Variants in OSGEPL1 observed in about 807,000 individuals in gnomAD.
The protein encoded by OSGEPL1 is O-sialoglycoprotein endopeptidase like 1, also known as tRNA N6-adenosine threonylcarbamoyltransferase, mitochondrial.
Under a neutral mutation model 37.2 loss-of-function variants are expected in OSGEPL1, and 26 were observed. The observed-to-expected ratio is 0.70, with a 90% confidence interval of 0.51 to 0.97. The LOEUF (loss-of-function observed/expected upper bound fraction) is 0.97. OSGEPL1 is among the 50% of genes least tolerant of loss of function. The pLI is 0.00. For missense variants in OSGEPL1, 404 were observed against 487.0 expected, an observed-to-expected ratio of 0.83 and a Z score of 1.60; for synonymous variants, 140 against 159.9, an observed-to-expected ratio of 0.88 and a Z score of 0.94.
At position 189,747,643 on chromosome 2, in the gene OSGEPL1, A is replaced by G. The variant is rs150358179; in HGVS notation, c.*29-475T>C. 1.3e-3 allele frequency among the ~76,000 whole-genome samples: 202 copies of G among 152,278 alleles called. 1 individual carries two copies. The highest frequency in any genetic ancestry group is 4.7e-3 in the African/African-American group (195 of 41,552). On this transcript the variant is annotated intron_variant, in intron 8 of 8. Transcript: ENST00000264151. ...TCTCCTATTTTATAGCTGCAGATAG[A>G]TATGATACAAACACCTGGCTTCACT...
At chr2:189,755,889 A>G (rs1265562529) in intron 2 of OSGEPL1, among the ~76,000 whole-genome samples, 1 of 152,204 alleles carries the variant, frequency 6.6e-6, no homozygotes, top group Non-Finnish European at 1.5e-5. Flanking sequence ...TATTTAAGGA[A>G]AATTAATTTC....
intron 2 of OSGEPL1, among the ~76,000 whole-genome samples, chr2:189,756,160 C>T (rs2046051827): frequency 6.6e-6 from 1 of 152,142 alleles, no homozygotes; most frequent in South Asian, 2.1e-4. Context: ...TATTTTAAAA[C>T]ACATTCCACT....
At chr2:189,757,702 G>A (rs542459650) in intron 2 of OSGEPL1, among the ~76,000 whole-genome samples, 20 of 152,300 alleles carry the variant, frequency 1.3e-4, no homozygotes, top group Admixed American at 3.3e-4. Context: ...CACTTATATG[G>A]TGAGCTGTTC....
At chr2:189,762,610 A>C (rs2047280858) in intron 1 of OSGEPL1, 75 bp downstream of exon 1, 2 of 985,418 alleles carry the variant, frequency 2.0e-6, no homozygotes, top group East Asian at 2.3e-4. Flanking sequence ...TAAGGCGGCG[A>C]CGGGCGCAAA....
chr2:189,746,708 C>A lies in OSGEPL1; in HGVS notation c.*489G>T. The A allele has an allele frequency of 7.4e-7, 1 of 1,350,338 alleles. No homozygotes were observed. 83.6% of individuals were successfully genotyped at this position (1,350,338 alleles called of 1,614,324 possible). ...TTTAATAATGGTAATATGCAAATAA[C>A]ATAACTGAATAATCTTTTTGAATGA... is the stretch of plus-strand genomic sequence containing the variant. On this transcript the variant is annotated 3_prime_UTR_variant, in exon 9 of 9. Coordinates refer to ENST00000264151, the MANE Select transcript of OSGEPL1 (RefSeq NM_022353.3).
chr2:189,754,102 G>T, intron 4 of OSGEPL1, 38 bp from the exon 5 acceptor site: 1 of 1,611,708 alleles, frequency 6.2e-7, no homozygotes, highest in Admixed American at 1.7e-5. Flanking sequence ...CACAATCCAG[G>T]AATATTTATC....
intron 3 of OSGEPL1, 116 bp from the exon 4 acceptor site, chr2:189,754,461 C>T: frequency 6.2e-6 from 6 of 974,410 alleles, no homozygotes; most frequent in Non-Finnish European, 7.4e-6. Flanking sequence ...ATGAATAAAA[C>T]ATGCTATACT....
At chr2:189,750,762 A>C (rs2105962838) in intron 7 of OSGEPL1, 106 bp from the exon 8 acceptor site, 1 of 761,750 alleles carries the variant, frequency 1.3e-6, no homozygotes, top group South Asian at 2.3e-5. Flanking sequence ...TCAAATATTT[A>C]ATTCATCATA....
chr2:189,754,352 A>G lies in OSGEPL1; in HGVS notation c.610-7T>C. ...AAGAAAGTCTTCTTGCCACCTATCA[A>G]AGAAACATATTTTTTAGAGTCATAA... On this transcript the variant is annotated splice_region_variant and splice_polypyrimidine_tract_variant and intron_variant, in intron 3 of 8. Coordinates refer to ENST00000264151, the MANE Select transcript of OSGEPL1 (RefSeq NM_022353.3). 1 of 1,588,678 alleles carries G rather than the reference A, an allele frequency of 6.3e-7. No homozygotes were observed. The highest frequency in any genetic ancestry group is 1.8e-5 in the Admixed American group (1 of 55,308).
rs768264489 is a variant in OSGEPL1 at position 189,755,298 on chromosome 2, C to T, written c.484G>A (p.Glu162Lys). The T allele has an allele frequency of 2.2e-5, 35 of 1,613,346 alleles. No homozygotes were observed. The highest frequency in any genetic ancestry group is 1.1e-4 in the East Asian group (5 of 44,892). The change falls in exon 3 of 9, where the codon GAA becomes AAA. Residue 162 changes from glutamate (E) to lysine (K), a missense_variant. Glu to Lys is a moderately conservative substitution (Grantham distance 56). Transcript: ENST00000264151. ...ALTIRLTNKV[E>K]FPFLVLLISG... Reference sequence around the variant, plus strand: ...ATCAAAAGAACTAAAAAAGGAAATTCTACTTTATTGGTCAACCTAATAGTA... The same window carrying T: ...ATCAAAAGAACTAAAAAAGGAAATTTTACTTTATTGGTCAACCTAATAGTA...
chr2:189,761,176 A>C (rs992101246), intron 2 of OSGEPL1: 5 of 327,860 alleles, frequency 1.5e-5, no homozygotes, highest in African/African-American at 8.5e-5. Flanking sequence ...GAAAATCAAT[A>C]AATACGGAAG....
chr2:189,761,348 A>G lies in OSGEPL1; in HGVS notation c.221+72T>C. 8 of 1,500,800 alleles carry G rather than the reference A, an allele frequency of 5.3e-6. No homozygotes were observed. The East Asian group carries it at 1.8e-4, about 34-fold the overall frequency. The allele number at this position is 1,500,800 out of a possible 1,614,324, so 93.0% of individuals were successfully genotyped here. Reference sequence around the variant, plus strand: ...GACAGTAGCTCCTGAAAACTTTTATATATGACAAATACAAAAGAATGATTT... The same window carrying G: ...GACAGTAGCTCCTGAAAACTTTTATGTATGACAAATACAAAAGAATGATTT... On this transcript the variant is annotated intron_variant, in intron 2 of 8. Transcript: ENST00000264151.
chr2:189,754,176 G>A lies in OSGEPL1; in HGVS notation c.779C>T (p.Thr260Ile). 3 of 1,613,664 alleles carry A rather than the reference G, an allele frequency of 1.9e-6. No individual in the cohort carries two copies. Among genetic ancestry groups the A allele is most frequent in the South Asian group, 1.1e-5 (1 of 91,064 alleles). ...DFSFTGLQHV[T>I]DKIIMKKEKE... ...TTCCTTTTTCATTATTATTTTATCA[G>A]TAACGTGTTGAAGTCCAGTAAAAGA... is the stretch of plus-strand genomic sequence containing the variant. The change falls in exon 4 of 9, where the codon ACT (threonine) becomes ATT (isoleucine). Residue 260 changes from threonine to isoleucine, a missense_variant. By Grantham distance (89) the Thr-to-Ile change is moderately conservative. Coordinates refer to ENST00000264151, the MANE Select transcript of OSGEPL1 (RefSeq NM_022353.3).
chr2:189,763,118 C>A, upstream of OSGEPL1: 1 of 985,000 alleles, frequency 1.0e-6, no homozygotes, highest in African/African-American at 1.7e-5. Flanking sequence ...ATTCGTCATT[C>A]ATTTTTAAGG....
chr2:189,755,646 G>A (rs1321463019), intron 2 of OSGEPL1, 86 bp from the exon 3 acceptor site: 4 of 1,402,364 alleles, frequency 2.9e-6, no homozygotes, highest in Non-Finnish European at 3.8e-6. Context: ...ATGTCTTCAA[G>A]TTAATCATTA....
rs370733672 is a variant in OSGEPL1, at chr2:189,752,919, T to G, written c.1024A>C (p.Asn342His). ...CACAACAAAGTGCACTGTGTTGCAT[T>G]TGTTAAAATTTCCAGAGCTCTGCGG... ...YIRRALEILT[N>H]ATQCTLLCPP... Residue 342 changes from asparagine (N) to histidine (H), a missense_variant, in exon 6 of 9, where the codon AAT becomes CAT. By Grantham distance (68) the Asn-to-His change is moderately conservative. Transcript: ENST00000264151. 2.4e-5 allele frequency: 38 copies of G among 1,613,450 alleles called. No individual in the cohort carries two copies. In the African/African-American group the frequency reaches 4.8e-4, roughly 20 times the overall value.
chr2:189,762,205 C>G (rs1374779069), intron 1 of OSGEPL1, among the ~76,000 whole-genome samples: 3 of 152,232 alleles, frequency 2.0e-5, no homozygotes, highest in Non-Finnish European at 4.4e-5. Flanking sequence ...TAAATCTCCA[C>G]TTTTTGCTAC....
chr2:189,759,205 T>G (rs533024313), intron 2 of OSGEPL1, among the ~76,000 whole-genome samples: 1 of 152,296 alleles, frequency 6.6e-6, no homozygotes, highest in African/African-American at 2.4e-5. Context: ...ACATACATTA[T>G]TTCTAATGCC....
At chr2:189,760,134 A>C (rs1305798473) in intron 2 of OSGEPL1, among the ~76,000 whole-genome samples, 1 of 152,232 alleles carries the variant, frequency 6.6e-6, no homozygotes, top group East Asian at 1.9e-4. Flanking sequence ...ATAGAACAAA[A>C]TGGAGTCTCC....
Sources: gnomAD v4.1 joint callset for allele counts (sites outside exome capture counted in the v4.1 genomes callset) on GRCh38, gnomAD v4.1.1 for gene constraint, MANE v1.5 for transcripts, NCBI Gene and HGNC (gene_info 2026-07-23, HGNC 2026-07-21) for gene names.